Variants in LAMB4 observed in about 807,000 individuals in gnomAD.
LAMB4 encodes the protein laminin subunit beta-4.
LAMB4 carries 196 observed loss-of-function variants against 199.2 expected under a neutral mutation model. The ratio of observed to expected loss-of-function variants is 0.98; its 90% CI spans 0.88 to 1.11. The LOEUF (loss-of-function observed/expected upper bound fraction) is 1.11, where lower values mean the gene tolerates loss of function less well. Ranked by LOEUF, LAMB4 falls within the 50% of genes least tolerant of loss-of-function variation. The pLI is 0.00. For missense variants in LAMB4, 2,080 were observed against 2,171.2 expected (o/e 0.96, Z 0.83); for synonymous variants, 744 against 770.6 (o/e 0.97, Z 0.57).
intron 3 of LAMB4, 66 bp downstream of exon 3, chr7:108,115,938 G>T: frequency 2.0e-6 from 3 of 1,496,056 alleles, no homozygotes; most frequent in Non-Finnish European, 2.8e-6. Flanking sequence ...AGCCCCAGGT[G>T]TACCTGGAAA....
chr7:108,120,057 A>C (rs1362936053), intron 2 of LAMB4, among the ~76,000 whole-genome samples: 1 of 152,180 alleles, frequency 6.6e-6, no homozygotes, highest in Non-Finnish European at 1.5e-5. Context: ...GCTCTTATAC[A>C]CTTTATCCTT....
chr7:108,111,279 C>T (rs545043909), intron 4 of LAMB4, among the ~76,000 whole-genome samples: 8 of 152,310 alleles, frequency 5.3e-5, no homozygotes, highest in East Asian at 1.9e-4. Flanking sequence ...GGCTCAATAT[C>T]GCAATTGTTC....
intron 7 of LAMB4, 107 bp downstream of exon 7, chr7:108,106,402 G>T: frequency 1.4e-6 from 1 of 701,022 alleles, no homozygotes. Context: ...TGGATGACAG[G>T]GCAAGACTCC....
chr7:108,099,818 C>T (rs1181130261), intron 10 of LAMB4, among the ~76,000 whole-genome samples: 5 of 152,144 alleles, frequency 3.3e-5, no homozygotes, highest in East Asian at 1.9e-4. Flanking sequence ...CCAGTTGTTT[C>T]GCATTATTGA....
chr7:108,034,292 T>G lies in LAMB4; in HGVS notation c.4734A>C (p.Gln1578His), dbSNP rs2035149862. The change falls in exon 31 of 34, where the codon CAA (glutamine) becomes CAC (histidine). Residue 1578 changes from glutamine (Q) to histidine (H), a missense_variant. Physicochemically the swap from Gln to His is conservative, Grantham distance 24 (BLOSUM62 0). Coordinates refer to ENST00000388781, the MANE Select transcript of LAMB4 (RefSeq NM_007356.3). The part of the protein sequence containing the change: ...NLDKTLNQLQ[Q>H]AQITQGRANS... ...TTGCCCGTCCTTGAGTGATTTGAGCTTGTTGTAACTGGTTCAATGTTTTGT... is the reference window on the plus strand; with the variant it reads ...TTGCCCGTCCTTGAGTGATTTGAGCGTGTTGTAACTGGTTCAATGTTTTGT... 6.2e-7 allele frequency: 1 copy of G among 1,613,214 alleles called. No homozygotes were observed. Among genetic ancestry groups the G allele is most frequent in the Non-Finnish European group, 8.5e-7 (1 of 1,179,166 alleles).
the LAMB4 span, among the ~76,000 whole-genome samples, chr7:108,013,494 G>A: frequency 3.9e-5 from 6 of 152,192 alleles, no homozygotes; most frequent in Admixed American, 2.6e-4. Flanking sequence ...AATGTGTTCA[G>A]TGACTGCTCT....
intron 3 of LAMB4, among the ~76,000 whole-genome samples, chr7:108,112,462 T>C (rs2038263539): frequency 6.6e-6 from 1 of 150,754 alleles, no homozygotes; most frequent in African/African-American, 2.4e-5. Flanking sequence ...CGGCTATTTT[T>C]TTGTATTTTT....
At chr7:108,098,340 G>T in intron 11 of LAMB4, 63 bp downstream of exon 11, 2 of 1,488,096 alleles carry the variant, frequency 1.3e-6, no homozygotes, top group East Asian at 2.4e-5. Flanking sequence ...CTCAAAAACA[G>T]ACAAACCAAC....
intron 29 of LAMB4, among the ~76,000 whole-genome samples, chr7:108,039,651 T>C (rs1386458697): frequency 1.3e-5 from 2 of 152,220 alleles, no homozygotes; most frequent in East Asian, 3.9e-4. Flanking sequence ...GTATTTTTAG[T>C]GGAGACAGGG....
chr7:108,092,508 C>T (rs2037447546), intron 12 of LAMB4, 92 bp from the exon 13 acceptor site: 9 of 926,274 alleles, frequency 9.7e-6, no homozygotes, highest in East Asian at 2.5e-5. Flanking sequence ...AATTGCCACA[C>T]GTCAAATAGC....
intron 14 of LAMB4, among the ~76,000 whole-genome samples, chr7:108,087,314 C>T (rs1449035176): frequency 6.6e-6 from 1 of 152,164 alleles, no homozygotes; most frequent in Non-Finnish European, 1.5e-5. Context: ...TTCATTCAGC[C>T]ATTTTATTCA....
At position 108,037,575 on chromosome 7, in the gene LAMB4, C is replaced by T. The variant is rs769709242; in HGVS notation, c.4492G>A (p.Asp1498Asn). ...FLLEENVPPE[D>N]IEKVANGVLD... Reference sequence around the variant, plus strand: ...ACACCATTCGCAACCTTCTCGATGTCTTCTGGAGGCACGTTTTCCTCTTAA... The same window carrying T: ...ACACCATTCGCAACCTTCTCGATGTTTTCTGGAGGCACGTTTTCCTCTTAA... Residue 1498 changes from aspartate to asparagine, a missense_variant, in exon 30 of 34, where the codon GAC becomes AAC. Coordinates refer to ENST00000388781, the MANE Select transcript of LAMB4 (RefSeq NM_007356.3). 3 of 1,614,060 alleles carry T rather than the reference C, an allele frequency of 1.9e-6. No homozygotes were observed. Among genetic ancestry groups the T allele is most frequent in the Non-Finnish European group, 1.7e-6 (2 of 1,179,962 alleles).
chr7:108,034,457 A>C (rs1454155344), intron 30 of LAMB4, 111 bp from the exon 31 acceptor site: 8 of 797,968 alleles, frequency 1.0e-5, no homozygotes, highest in Non-Finnish European at 1.6e-5. Context: ...TTATTAAGTA[A>C]ATTTAAATTA....
intron 17 of LAMB4, among the ~76,000 whole-genome samples, chr7:108,071,413 G>A (rs2036531992): frequency 6.6e-6 from 1 of 152,148 alleles, no homozygotes; most frequent in Non-Finnish European, 1.5e-5. Context: ...CTGAATGGGT[G>A]CCAGCATCTG....
In LAMB4 at chr7:108,030,698, C is replaced by T. The variant is rs955528747; in HGVS notation, c.4992+108G>A. ...AAAGATATACCATTGAGTCATGGAC[C>T]AGCACAAAGGAAATGATGAGAAATG... is the stretch of plus-strand genomic sequence containing the variant. On this transcript the variant is annotated intron_variant, in intron 32 of 33. Coordinates refer to ENST00000388781, the MANE Select transcript of LAMB4 (RefSeq NM_007356.3). 14 of 1,016,122 alleles carry T rather than the reference C, an allele frequency of 1.4e-5. No homozygotes were observed. In the African/African-American group the frequency reaches 1.4e-4, roughly 11 times the overall value. 62.9% of individuals were successfully genotyped at this position (1,016,122 alleles called of 1,614,324 possible).
chr7:108,094,913 A>G (rs898407013), intron 12 of LAMB4, among the ~76,000 whole-genome samples: 3 of 152,302 alleles, frequency 2.0e-5, no homozygotes, highest in African/African-American at 7.2e-5. Flanking sequence ...CAAAACATAG[A>G]CAGATAAATG....
chr7:108,053,551 G>A (rs1285818074), intron 25 of LAMB4, among the ~76,000 whole-genome samples: 1 of 152,260 alleles, frequency 6.6e-6, no homozygotes, highest in Admixed American at 6.5e-5. Context: ...GCTTCAGGGA[G>A]GAGGTGATGT....
At chr7:108,109,299 T>C in intron 4 of LAMB4, 55 bp from the exon 5 acceptor site, 1 of 1,221,022 alleles carries the variant, frequency 8.2e-7, no homozygotes, top group African/African-American at 1.5e-5. Context: ...CTTCTGCTTA[T>C]CATGTTAATT....
intron 14 of LAMB4, among the ~76,000 whole-genome samples, chr7:108,085,141 A>G (rs1196657204): frequency 2.0e-5 from 3 of 152,186 alleles, no homozygotes; most frequent in African/African-American, 4.8e-5. Flanking sequence ...GCACAGTTTC[A>G]TTTCCTTTCA....
Sources: allele counts gnomAD v4.1 joint callset (sites outside exome capture counted in the v4.1 genomes callset), GRCh38; gene constraint gnomAD v4.1.1; transcripts MANE v1.5; gene names NCBI Gene and HGNC (gene_info 2026-07-23, HGNC 2026-07-21).